The following KIF26B variants were observed in gnomAD, a reference collection of about 807,000 sequenced individuals.
The protein encoded by KIF26B is kinesin family member 26B.
KIF26B carries 63 observed loss-of-function variants against 151.2 expected under a neutral mutation model. That is an observed-to-expected ratio of 0.42 (90% CI 0.34 to 0.51). The LOEUF (loss-of-function observed/expected upper bound fraction) is 0.51, where lower values mean the gene tolerates loss of function less well. Ranked by LOEUF, KIF26B falls within the 20% of genes least tolerant of loss-of-function variation. The pLI is 0.07. For synonymous variants in KIF26B, 1,357 were observed against 1,262.1 expected (o/e 1.08, Z -1.59); for missense variants, 2,813 against 2,913.6 (o/e 0.97, Z 0.79).
chr1:245,643,981 TC>T (rs1176112669), intron 9 of KIF26B, among the ~76,000 whole-genome samples: 1 of 152,196 alleles, frequency 6.6e-6, no homozygotes, highest in Non-Finnish European at 1.5e-5. Context: ...TATAGTTTCT[TC>T]CTTTGTGCTT....
chr1:245,166,656 C>G lies in KIF26B; in HGVS notation c.465+9973C>G, dbSNP rs143524753. Among the ~76,000 whole-genome samples the G allele has an allele frequency of 1.2e-4, 19 of 152,344 alleles. No homozygotes were observed. The East Asian group carries it at 3.7e-3, about 29-fold the overall frequency. On this transcript the variant is annotated intron_variant, in intron 2 of 14. Coordinates refer to ENST00000407071, the MANE Select transcript of KIF26B (RefSeq NM_018012.4). The surrounding 1 kb of genome is among the most constrained non-coding windows in gnomAD (Gnocchi z 4.5). ...GTGACTGCGCATGCGATGTGCAGAT[C>G]TGAGCCGCACCAGGAATTTGGGCTT...
chr1:245,249,494 T>TC (rs1420254852), intron 2 of KIF26B, among the ~76,000 whole-genome samples: 2 of 146,902 alleles, frequency 1.4e-5, no homozygotes, highest in African/African-American at 5.0e-5. Flanking sequence ...AATCTATTTT[T>TC]TTTTTTTTTT....
chr1:245,348,525 A>T (rs1189988428), intron 2 of KIF26B, among the ~76,000 whole-genome samples: 1 of 152,184 alleles, frequency 6.6e-6, no homozygotes, highest in Non-Finnish European at 1.5e-5. Flanking sequence ...TAGATGGCAC[A>T]TTATTGTGTT....
At position 245,169,362 on chromosome 1, in the gene KIF26B, T is replaced by TGC. The variant is rs1553330318; in HGVS notation, c.465+12684_465+12685dup. On this transcript the variant is annotated intron_variant, in intron 2 of 14. Transcript: ENST00000407071. ...GTGTGTGTGTGTGTGTGTGTGTGTG[T>TGC]GCGCGCAAGCACTTTGTGGAGGCCC... 2.5e-3 allele frequency among the ~76,000 whole-genome samples: 379 copies of TGC among 151,084 alleles called. 3 individuals are homozygous for TGC. Among genetic ancestry groups the TGC allele is most frequent in the African/African-American group, 9.0e-3 (365 of 40,680 alleles).
chr1:245,541,000 A>T lies in KIF26B; in HGVS notation c.1350+50A>T. On this transcript the variant is annotated intron_variant, in intron 5 of 14. Coordinates refer to ENST00000407071, the MANE Select transcript of KIF26B (RefSeq NM_018012.4). This position sits in a 1 kb window ranked among gnomAD's most constrained non-coding sequence, Gnocchi z 4.6. ...ATTTGCCCAGTGTGCGAGGTTCTGG[A>T]TCAAGTTTCAGGAGGAAGAAAATGA... The T allele has an allele frequency of 1.3e-6, 2 of 1,503,802 alleles. No homozygotes were observed. Among genetic ancestry groups the T allele is most frequent in the Non-Finnish European group, 9.0e-7 (1 of 1,109,970 alleles). 93.2% of individuals were successfully genotyped at this position (1,503,802 alleles called of 1,614,324 possible).
At chr1:245,300,424 A>G (rs1046210690) in intron 2 of KIF26B, among the ~76,000 whole-genome samples, 2 of 151,338 alleles carry the variant, frequency 1.3e-5, no homozygotes, top group African/African-American at 4.9e-5. Flanking sequence ...CATTACTTCT[A>G]CCTCTCCTTT....
intron 5 of KIF26B, among the ~76,000 whole-genome samples, chr1:245,574,916 C>T (rs1360467861): frequency 1.4e-4 from 19 of 140,168 alleles, no homozygotes; most frequent in African/African-American, 3.8e-4. Flanking sequence ...CAGGCTGGAG[C>T]GCCAGTGGCG....
In KIF26B at chr1:245,702,549, C is replaced by T; in HGVS notation, c.6270C>T (p.Phe2090=). The T allele has an allele frequency of 6.2e-7, 1 of 1,613,982 alleles. No individual in the cohort carries two copies. The highest frequency in any genetic ancestry group is 8.5e-7 in the Non-Finnish European group (1 of 1,179,890). The change falls in exon 15 of 15, where the codon TTC becomes TTT. Residue 2090 remains phenylalanine, a synonymous_variant. Coordinates refer to ENST00000407071, the MANE Select transcript of KIF26B (RefSeq NM_018012.4). The surrounding 1 kb of genome is among the most constrained non-coding windows in gnomAD (Gnocchi z 4.1). ...VTERLESRVN[F]CKAHLMMITC... ...AGCGCCTGGAGAGCCGTGTCAACTT[C>T]TGCAAGGCCCATCTCATGATGATCA...
chr1:245,291,914 A>T (rs552182281), intron 2 of KIF26B, among the ~76,000 whole-genome samples: 19 of 152,248 alleles, frequency 1.2e-4, no homozygotes, highest in African/African-American at 4.6e-4. Context: ...GCTTCAGCTC[A>T]GGGGTGAGGG....
intron 5 of KIF26B, among the ~76,000 whole-genome samples, chr1:245,567,075 C>T (rs937101870): frequency 2.6e-5 from 4 of 152,178 alleles, no homozygotes; most frequent in African/African-American, 9.7e-5. Context: ...GCACCCCAGC[C>T]GCGGCCAAGG....
intron 2 of KIF26B, among the ~76,000 whole-genome samples, chr1:245,250,101 A>T (rs1558361530): frequency 6.6e-6 from 1 of 152,170 alleles, no homozygotes; most frequent in African/African-American, 2.4e-5. Flanking sequence ...TACTTTCTTC[A>T]GATGTGTTTT....
At chr1:245,632,515 C>G (rs933935283) in intron 9 of KIF26B, among the ~76,000 whole-genome samples, 1 of 152,190 alleles carries the variant, frequency 6.6e-6, no homozygotes, top group African/African-American at 2.4e-5. Context: ...GAAATGCTCT[C>G]TAAATATCTG....
chr1:245,267,633 TGCACAC>T (rs1260635198), intron 2 of KIF26B, among the ~76,000 whole-genome samples: 2 of 83,268 alleles, frequency 2.4e-5, no homozygotes, highest in Non-Finnish European at 4.9e-5. Context: ...AGCTAAGTAA[TGCACAC>T]ACACACACAC....
intron 4 of KIF26B, among the ~76,000 whole-genome samples, chr1:245,460,864 G>T (rs79991900): frequency 6.9e-4 from 105 of 152,366 alleles, no homozygotes; most frequent in African/African-American, 2.4e-3. Context: ...TTTCTGGAAA[G>T]CTTCTGCACA....
chr1:245,311,460 G>T (rs773004317), intron 2 of KIF26B, among the ~76,000 whole-genome samples: 1 of 152,012 alleles, frequency 6.6e-6, no homozygotes, highest in Non-Finnish European at 1.5e-5. Flanking sequence ...CACTGCAGCC[G>T]GGTATGGTGG....
intron 4 of KIF26B, among the ~76,000 whole-genome samples, chr1:245,487,881 C>T (rs754286974): frequency 5.9e-5 from 9 of 151,946 alleles, no homozygotes; most frequent in Non-Finnish European, 8.8e-5. Context: ...CTCTGCCTCC[C>T]AGGTTCAAGC....
intron 4 of KIF26B, among the ~76,000 whole-genome samples, chr1:245,427,357 C>T (rs1263038010): frequency 6.6e-6 from 1 of 152,224 alleles, no homozygotes; most frequent in African/African-American, 2.4e-5. Context: ...CCTGTAATCC[C>T]AGCACTTCGG....
intron 12 of KIF26B, among the ~76,000 whole-genome samples, chr1:245,696,105 C>G (rs2147965826): frequency 6.6e-6 from 1 of 152,360 alleles, no homozygotes; most frequent in South Asian, 2.1e-4. Context: ...CTGGTGTTCA[C>G]ACCCTTGTGT....
chr1:245,410,597 G>T (rs776412353), intron 3 of KIF26B, among the ~76,000 whole-genome samples: 4 of 152,056 alleles, frequency 2.6e-5, no homozygotes, highest in Non-Finnish European at 5.9e-5. Flanking sequence ...TTACAGGCGC[G>T]TGCCACCATG....
Sources: allele counts gnomAD v4.1 joint callset (sites outside exome capture counted in the v4.1 genomes callset), GRCh38; gene constraint gnomAD v4.1.1; non-coding constraint Gnocchi (gnomAD v3.1); transcripts MANE v1.5; gene names NCBI Gene and HGNC (gene_info 2026-07-23, HGNC 2026-07-21).